MNAT1: variants seen among roughly 807,000 people sequenced by gnomAD.
The protein encoded by MNAT1 is MNAT1 component of CDK activating kinase, also known as CDK-activating kinase assembly factor MAT1.
MNAT1 carries 43 observed loss-of-function variants against 42.0 expected under a neutral mutation model. That is an observed-to-expected ratio of 1.02 (90% CI 0.80 to 1.32). The LOEUF is 1.32. Among genes scored for constraint, MNAT1 ranks in the 40% most tolerant of loss-of-function variants. MNAT1 has a pLI of 0.00. For missense variants in MNAT1, 306 were observed against 350.4 expected, an observed-to-expected ratio of 0.87 and a Z score of 1.01; for synonymous variants, 118 against 120.0, an observed-to-expected ratio of 0.98 and a Z score of 0.11.
At chr14:60,799,399 G>A (rs993682530) in intron 3 of MNAT1, 1 of 985,162 alleles carries the variant, frequency 1.0e-6, no homozygotes, top group Non-Finnish European at 1.2e-6. Flanking sequence ...AAGGTATGTA[G>A]AAATCTGGCT....
intron 7 of MNAT1, among the ~76,000 whole-genome samples, chr14:60,956,039 G>T (rs2104654): frequency 0.91 from 139,041 of 152,028 alleles, 64,143 homozygotes; most frequent in Non-Finnish European, 0.99. Context: ...TTTCCATCCT[G>T]ACTGTAACTT....
chr14:60,831,142 A>G (rs142968823), intron 6 of MNAT1, among the ~76,000 whole-genome samples: 2 of 147,250 alleles, frequency 1.4e-5, no homozygotes, highest in Non-Finnish European at 1.5e-5. Context: ...TCTGGGATAC[A>G]TGTGGAGGTT....
At chr14:60,893,615 G>A (rs2034889794) in intron 7 of MNAT1, among the ~76,000 whole-genome samples, 1 of 152,050 alleles carries the variant, frequency 6.6e-6, no homozygotes, top group South Asian at 2.1e-4. Context: ...TCTTGGTTTT[G>A]GTTTTTTGTT....
intron 7 of MNAT1, among the ~76,000 whole-genome samples, chr14:60,918,115 A>G (rs1402028498): frequency 6.8e-6 from 1 of 147,490 alleles, no homozygotes; most frequent in African/African-American, 2.5e-5. Context: ...GAGGACCACC[A>G]TCTTTTTTAT....
chr14:60,939,623 A>G (rs1410200586), intron 7 of MNAT1, among the ~76,000 whole-genome samples: 1 of 152,102 alleles, frequency 6.6e-6, no homozygotes, highest in Non-Finnish European at 1.5e-5. Context: ...CTGCTCTTTT[A>G]CATTTACTGA....
At chr14:60,940,995 G>T (rs1286631890) in intron 7 of MNAT1, among the ~76,000 whole-genome samples, 1 of 152,134 alleles carries the variant, frequency 6.6e-6, no homozygotes, top group African/African-American at 2.4e-5. Flanking sequence ...CCCACCTAGT[G>T]TTAATATTTG....
At chr14:60,908,590 G>A (rs1056981915) in intron 7 of MNAT1, among the ~76,000 whole-genome samples, 3 of 150,828 alleles carry the variant, frequency 2.0e-5, no homozygotes, top group African/African-American at 7.3e-5. Flanking sequence ...TTTTGTCCTT[G>A]CGATAGTTTG....
rs1594720943 is a variant in MNAT1, at chr14:60,748,595, A to G, written c.89+13644A>G. Among the ~76,000 whole-genome samples, 9 of 149,660 alleles carry G rather than the reference A, an allele frequency of 6.0e-5. No homozygotes were observed. In the South Asian group the frequency reaches 1.9e-3, roughly 32 times the overall value. Reference sequence around the variant, plus strand: ...TGAAGATACAAACCTACACATTAGCACATACATTAGCCTAGACCTACACAG... The same window carrying G: ...TGAAGATACAAACCTACACATTAGCGCATACATTAGCCTAGACCTACACAG... On this transcript the variant is annotated intron_variant, in intron 1 of 7. Transcript: ENST00000261245.
chr14:60,908,718 A>G (rs1326017409), intron 7 of MNAT1, among the ~76,000 whole-genome samples: 2 of 152,100 alleles, frequency 1.3e-5, no homozygotes, highest in Admixed American at 6.5e-5. Flanking sequence ...AATCCAGTCT[A>G]TCATTGTTGG....
chr14:60,921,971 A>G (rs532346515), intron 7 of MNAT1, among the ~76,000 whole-genome samples: 7 of 152,276 alleles, frequency 4.6e-5, no homozygotes, highest in East Asian at 1.9e-4. Flanking sequence ...TAATACTTTC[A>G]TAGTAAATTT....
chr14:60,747,212 C>T (rs917573634), intron 1 of MNAT1, among the ~76,000 whole-genome samples: 4 of 151,822 alleles, frequency 2.6e-5, no homozygotes, highest in African/African-American at 2.4e-5. Flanking sequence ...TCTTGATCTC[C>T]TGACCTTGTG....
intron 7 of MNAT1, among the ~76,000 whole-genome samples, chr14:60,921,392 A>C (rs2035656657): frequency 6.6e-6 from 1 of 152,214 alleles, no homozygotes; most frequent in African/African-American, 2.4e-5. Flanking sequence ...AGCAAACAGA[A>C]GAAAAATTAC....
At chr14:60,779,888 C>A (rs577040667) in intron 1 of MNAT1, 2 of 735,566 alleles carry the variant, frequency 2.7e-6, no homozygotes, top group African/African-American at 1.8e-5. Context: ...AAACTCTTGG[C>A]GGGGAAGTGC....
At chr14:60,790,210 T>C (rs989720635) in intron 1 of MNAT1, among the ~76,000 whole-genome samples, 1 of 152,082 alleles carries the variant, frequency 6.6e-6, no homozygotes, top group African/African-American at 2.4e-5. Flanking sequence ...GTGTAGAGTA[T>C]GAAGAGGACT....
Position 60,843,757 on chromosome 14 carries a change from T to C in MNAT1, c.687+24910T>C, listed in dbSNP as rs138042395. ...TTGTCTGTGGCTCACTTTTTCTTTT[T>C]CTTAGTAATGTTTTTTGATGAACTG... On this transcript the variant is annotated intron_variant, in intron 6 of 7. Coordinates refer to ENST00000261245, the MANE Select transcript of MNAT1 (RefSeq NM_002431.4). 3.5e-3 allele frequency among the ~76,000 whole-genome samples: 531 copies of C among 152,332 alleles called. 1 individual carries two copies. Among genetic ancestry groups the C allele is most frequent in the Non-Finnish European group, 5.8e-3 (395 of 68,016 alleles).
chr14:60,808,955 G>A (rs1021370596), intron 4 of MNAT1: 4 of 152,018 alleles, frequency 2.6e-5, no homozygotes. Context: ...TTGTTTTACC[G>A]AAAGAGTAAC....
At chr14:60,818,165 A>T (rs2032773610) in intron 5 of MNAT1, among the ~76,000 whole-genome samples, 2 of 152,036 alleles carry the variant, frequency 1.3e-5, no homozygotes, top group African/African-American at 4.8e-5. Context: ...TAATATATTA[A>T]AATGTTTAAC....
intron 5 of MNAT1, among the ~76,000 whole-genome samples, chr14:60,817,593 T>C (rs2032754174): frequency 6.6e-6 from 1 of 152,040 alleles, no homozygotes. Context: ...TTCTATACTG[T>C]AACCTTAAAC....
intron 7 of MNAT1, among the ~76,000 whole-genome samples, chr14:60,959,265 T>G (rs541595317): frequency 3.9e-5 from 6 of 152,318 alleles, no homozygotes; most frequent in African/African-American, 1.4e-4. Context: ...GGGTGAAATC[T>G]CTTGTGGTAG....
Sources: allele counts gnomAD v4.1 joint callset (sites outside exome capture counted in the v4.1 genomes callset), GRCh38; gene constraint gnomAD v4.1.1; transcripts MANE v1.5; gene names NCBI Gene and HGNC (gene_info 2026-07-23, HGNC 2026-07-21).